The following WNT7B variants were observed in gnomAD, a reference collection of about 807,000 sequenced individuals.
The protein encoded by WNT7B is Wnt family member 7B, also known as protein Wnt-7b.
In WNT7B, 19 loss-of-function variants were observed where a neutral mutation model predicts 38.2. The observed-to-expected ratio is 0.50, with a 90% CI of 0.35 to 0.73. The LOEUF (loss-of-function observed/expected upper bound fraction) is 0.73. WNT7B is among the 30% of genes least tolerant of loss of function. WNT7B has a pLI of 0.01. For missense variants in WNT7B, 423 were observed against 507.9 expected, an observed-to-expected ratio of 0.83 and a Z score of 1.61; for synonymous variants, 243 against 209.3, an observed-to-expected ratio of 1.16 and a Z score of -1.39.
At chr22:45,961,282 C>G (rs1228530275) in intron 1 of WNT7B, among the ~76,000 whole-genome samples, 1 of 152,090 alleles carries the variant, frequency 6.6e-6, no homozygotes, top group Non-Finnish European at 1.5e-5. Context: ...CGCCCGGCCA[C>G]CCCAAGGCTG....
At position 45,976,618 on chromosome 22, in the gene WNT7B, C is replaced by G; in HGVS notation, c.71+66G>C. 6.5e-7 allele frequency: 1 copy of G among 1,543,002 alleles called. No individual in the cohort carries two copies. Among genetic ancestry groups the G allele is most frequent in the Non-Finnish European group, 8.8e-7 (1 of 1,133,904 alleles). On this transcript the variant is annotated intron_variant, in intron 1 of 3. Coordinates refer to ENST00000339464, the MANE Select transcript of WNT7B (RefSeq NM_058238.3). The surrounding 1 kb of genome is among the most constrained non-coding windows in gnomAD (Gnocchi z 8.5). Reference sequence around the variant, plus strand: ...CAGTCCCCACGTCCCCACGGGGACGCCCCGGAGGCAGCTCCTTCGTGCTGT... The same window carrying G: ...CAGTCCCCACGTCCCCACGGGGACGGCCCGGAGGCAGCTCCTTCGTGCTGT...
intron 2 of WNT7B, among the ~76,000 whole-genome samples, chr22:45,945,446 T>C (rs1931771393): frequency 1.3e-5 from 2 of 152,260 alleles, no homozygotes; most frequent in Admixed American, 6.5e-5. Flanking sequence ...TCTCAATATG[T>C]AATCAGTAGA....
chr22:45,969,912 G>A (rs1932395201), intron 1 of WNT7B, among the ~76,000 whole-genome samples: 1 of 152,190 alleles, frequency 6.6e-6, no homozygotes, highest in South Asian at 2.1e-4. Context: ...GCTGAGGGTC[G>A]GCTGACACTC....
chr22:45,957,666 G>C (rs1426805406), intron 1 of WNT7B, among the ~76,000 whole-genome samples: 1 of 115,204 alleles, frequency 8.7e-6, no homozygotes, highest in African/African-American at 3.4e-5. Context: ...CTGCGTGAGG[G>C]AGCAAGACTC....
chr22:45,928,327 C>A (rs1931159894), intron 3 of WNT7B, among the ~76,000 whole-genome samples: 1 of 152,210 alleles, frequency 6.6e-6, no homozygotes, highest in African/African-American at 2.4e-5. Flanking sequence ...CACCCACCTC[C>A]CACTGCCGTG....
At chr22:45,973,291 C>T (rs185380577) in intron 1 of WNT7B, among the ~76,000 whole-genome samples, 1 of 152,364 alleles carries the variant, frequency 6.6e-6, no homozygotes, top group Admixed American at 6.5e-5. Flanking sequence ...TGTCCCACCT[C>T]CTGTCGTTAG....
chr22:45,958,323 C>T lies in WNT7B; in HGVS notation c.72-8177G>A, dbSNP rs548607188. ...ACCTGTCATCTTACTCTTGGGTACC[C>T]TGAGCCCAGGTGGCAGGGAGTGGGC... On this transcript the variant is annotated intron_variant, in intron 1 of 3. Transcript: ENST00000339464. Among the ~76,000 whole-genome samples the T allele has an allele frequency of 8.5e-5, 13 of 152,336 alleles. No homozygotes were observed. The South Asian group carries it at 2.7e-3, about 32-fold the overall frequency.
At chr22:45,952,815 C>G (rs1322502314) in intron 1 of WNT7B, among the ~76,000 whole-genome samples, 1 of 152,226 alleles carries the variant, frequency 6.6e-6, no homozygotes, top group East Asian at 1.9e-4. Context: ...CCGGATCTGA[C>G]CAAGTCCGTC....
chr22:45,931,406 G>A, intron 2 of WNT7B, 37 bp from the exon 3 acceptor site: 1 of 1,541,264 alleles, frequency 6.5e-7, no homozygotes, highest in Non-Finnish European at 8.7e-7. Flanking sequence ...TGAGACCCCA[G>A]GCCCTGGGCC....
At chr22:45,929,651 T>TCCTTCCAC (rs1316722072) in intron 3 of WNT7B, among the ~76,000 whole-genome samples, 1 of 117,036 alleles carries the variant, frequency 8.5e-6, no homozygotes, top group African/African-American at 3.5e-5. Context: ...CACTCATCCA[T>TCCTTCCAC]CCTTCCACCC....
At chr22:45,937,942 G>A (rs1931551760) in intron 2 of WNT7B, among the ~76,000 whole-genome samples, 1 of 152,114 alleles carries the variant, frequency 6.6e-6, no homozygotes, top group African/African-American at 2.4e-5. Context: ...CTGGGAGGTG[G>A]AAGTTGCAGT....
intron 3 of WNT7B, among the ~76,000 whole-genome samples, chr22:45,923,983 C>T (rs1181844315): frequency 1.3e-5 from 2 of 152,342 alleles, no homozygotes; most frequent in East Asian, 3.9e-4. Flanking sequence ...TCCACAAGGG[C>T]CCTCCACGGG....
Position 45,977,111 on chromosome 22 carries a change from G to T in WNT7B, c.-357C>A, listed in dbSNP as rs2146760644. Reference sequence around the variant, plus strand: ...CGCCTGAGGCCGTGAGCGCCTCGCCGAGCGCCGCGGCGGCCAATGTGTCCG... The same window carrying T: ...CGCCTGAGGCCGTGAGCGCCTCGCCTAGCGCCGCGGCGGCCAATGTGTCCG... On this transcript the variant is annotated 5_prime_UTR_variant, in exon 1 of 4. Coordinates refer to ENST00000339464, the MANE Select transcript of WNT7B (RefSeq NM_058238.3). The T allele has an allele frequency of 1.3e-6, 1 of 774,996 alleles. No homozygotes were observed. The highest frequency in any genetic ancestry group is 6.5e-4 in the Middle Eastern group (1 of 1,532). The allele number at this position is 774,996 out of a possible 1,614,324, so 48.0% of individuals were successfully genotyped here.
intron 1 of WNT7B, among the ~76,000 whole-genome samples, chr22:45,958,405 T>C (rs1233479491): frequency 6.6e-6 from 1 of 152,004 alleles, no homozygotes; most frequent in Non-Finnish European, 1.5e-5. Context: ...GACACCCCTG[T>C]TGTGTTCAGG....
intron 1 of WNT7B, among the ~76,000 whole-genome samples, chr22:45,964,858 C>T (rs916201442): frequency 6.6e-6 from 1 of 152,188 alleles, no homozygotes; most frequent in South Asian, 2.1e-4. Flanking sequence ...TCCCTTGGCA[C>T]CGCTGCCACC....
chr22:45,949,563 C>T (rs540848539), intron 2 of WNT7B, among the ~76,000 whole-genome samples: 17 of 152,256 alleles, frequency 1.1e-4, no homozygotes, highest in Admixed American at 3.3e-4. Flanking sequence ...TCCCTCTACA[C>T]GGCTGCTAGG....
intron 2 of WNT7B, among the ~76,000 whole-genome samples, chr22:45,943,331 C>G (rs1004022007): frequency 1.3e-5 from 2 of 152,260 alleles, no homozygotes; most frequent in African/African-American, 4.8e-5. Flanking sequence ...CATGCCAGGT[C>G]CAAACACGCC....
At chr22:45,964,356 T>C (rs1291401209) in intron 1 of WNT7B, among the ~76,000 whole-genome samples, 1 of 152,058 alleles carries the variant, frequency 6.6e-6, no homozygotes, top group Non-Finnish European at 1.5e-5. Flanking sequence ...GTGACAACCT[T>C]GCTGGAGCAG....
At chr22:45,940,735 G>C (rs572716965) in intron 2 of WNT7B, among the ~76,000 whole-genome samples, 82 of 152,336 alleles carry the variant, frequency 5.4e-4, no homozygotes, top group African/African-American at 1.9e-3. Flanking sequence ...CAGCAGGGTA[G>C]GGTGGCTGGA....
Sources: gnomAD v4.1 joint callset for allele counts (sites outside exome capture counted in the v4.1 genomes callset) on GRCh38, gnomAD v4.1.1 for gene constraint, Gnocchi (gnomAD v3.1) non-coding constraint, MANE v1.5 for transcripts, NCBI Gene and HGNC (gene_info 2026-07-23, HGNC 2026-07-21) for gene names.